PTGER4: variants seen among roughly 807,000 people sequenced by gnomAD.
PTGER4 encodes prostaglandin E receptor 4.
PTGER4 carries 11 observed loss-of-function variants against 33.2 expected under a neutral mutation model. The ratio of observed to expected loss-of-function variants is 0.33; its 90% CI spans 0.21 to 0.55. The LOEUF (loss-of-function observed/expected upper bound fraction) is 0.55. Among genes scored for constraint, PTGER4 ranks in the 20% least tolerant of loss-of-function variants. PTGER4 has a pLI of 0.92. For missense variants in PTGER4, 481 were observed against 650.2 expected (o/e 0.74, Z 2.83); for synonymous variants, 275 against 281.5 (o/e 0.98, Z 0.23).
chr5:40,711,636 T>C, the PTGER4 span, among the ~76,000 whole-genome samples: 2 of 152,074 alleles, frequency 1.3e-5, no homozygotes, highest in African/African-American at 2.4e-5. Context: ...ACAACCTAAA[T>C]GTCCATCAAT....
chr5:40,689,787 T>C (rs2111807866), intron 2 of PTGER4, among the ~76,000 whole-genome samples: 2 of 152,314 alleles, frequency 1.3e-5, no homozygotes, highest in Middle Eastern at 6.8e-3. Context: ...TTTGTGGTTT[T>C]TATGTATCTT....
chr5:40,735,930 G>A, the PTGER4 span, among the ~76,000 whole-genome samples: 2 of 152,220 alleles, frequency 1.3e-5, no homozygotes, highest in Non-Finnish European at 2.9e-5. Flanking sequence ...TCAAGAAATG[G>A]AGTTTGTAGT....
the PTGER4 span, among the ~76,000 whole-genome samples, chr5:40,735,086 A>T: frequency 6.6e-6 from 1 of 152,228 alleles, no homozygotes; most frequent in Non-Finnish European, 1.5e-5. Flanking sequence ...GTGGAAAGGA[A>T]ATAAAACCAG....
At chr5:40,693,847 T>TAAAG (rs1741529399), downstream of PTGER4, 1 of 526,264 alleles carries the variant, frequency 1.9e-6, no homozygotes, top group African/African-American at 2.1e-5. Flanking sequence ...GAAATAATTT[T>TAAAG]AAAGAAATAT....
the PTGER4 span, chr5:40,716,055 C>G: frequency 1.2e-5 from 13 of 1,099,768 alleles, no homozygotes; most frequent in Admixed American, 2.4e-4. Flanking sequence ...ACCAGGCGTT[C>G]TCCTATCTAT....
At chr5:40,712,805 G>A in the PTGER4 span, among the ~76,000 whole-genome samples, 1 of 152,122 alleles carries the variant, frequency 6.6e-6, no homozygotes, top group Non-Finnish European at 1.5e-5. Context: ...CACTGTGAGA[G>A]GAAGCCATCC....
chr5:40,740,244 T>C, the PTGER4 span, among the ~76,000 whole-genome samples: 1 of 151,690 alleles, frequency 6.6e-6, no homozygotes, highest in African/African-American at 2.4e-5. Flanking sequence ...TCCAGAACCC[T>C]TTCATTCTTT....
At chr5:40,744,378 C>T in the PTGER4 span, among the ~76,000 whole-genome samples, 1 of 151,828 alleles carries the variant, frequency 6.6e-6, no homozygotes, top group Non-Finnish European at 1.5e-5. Context: ...TAAAAGATTA[C>T]ACCAGAATCA....
At chr5:40,709,609 C>A in the PTGER4 span, among the ~76,000 whole-genome samples, 1 of 152,240 alleles carries the variant, frequency 6.6e-6, no homozygotes, top group Middle Eastern at 3.4e-3. Flanking sequence ...CCATACTGCC[C>A]AAGGTAATTT....
At chr5:40,736,879 AC>A in the PTGER4 span, among the ~76,000 whole-genome samples, 3 of 152,222 alleles carry the variant, frequency 2.0e-5, no homozygotes, top group African/African-American at 7.2e-5. Flanking sequence ...TACACTCTTA[AC>A]CACTATACTC....
intron 2 of PTGER4, among the ~76,000 whole-genome samples, chr5:40,689,827 C>T (rs1207988370): frequency 6.6e-6 from 1 of 152,070 alleles, no homozygotes; most frequent in African/African-American, 2.4e-5. Context: ...CCTCTTCTCC[C>T]TAACCTAAAA....
At chr5:40,731,505 G>A in the PTGER4 span, among the ~76,000 whole-genome samples, 60 of 152,306 alleles carry the variant, frequency 3.9e-4, no homozygotes, top group African/African-American at 1.3e-3. Flanking sequence ...TTACAAGGAT[G>A]GCAGAAGGGG....
chr5:40,711,100 G>T, the PTGER4 span, among the ~76,000 whole-genome samples: 1 of 150,782 alleles, frequency 6.6e-6, no homozygotes, highest in African/African-American at 2.5e-5. Context: ...TATATATATA[G>T]AAAACAAACA....
downstream of PTGER4, among the ~76,000 whole-genome samples, chr5:40,696,968 A>AG (rs1554024511): frequency 9.6e-6 from 1 of 104,496 alleles, no homozygotes; most frequent in Admixed American, 9.1e-5. Flanking sequence ...GAGAGAAAGA[A>AG]AGAGAGAGAG....
chr5:40,692,579 C>A lies in PTGER4; in HGVS notation c.*201C>A, dbSNP rs1381232117. On this transcript the variant is annotated 3_prime_UTR_variant, in exon 3 of 3. Transcript: ENST00000302472. ...CCTGAGGCCTGCAGCACGTCGGATG[C>A]TACCCCACTATGACAGAGGATTGTG... is the stretch of plus-strand genomic sequence containing the variant. 2 of 1,363,936 alleles carry A rather than the reference C, an allele frequency of 1.5e-6. No homozygotes were observed. The highest frequency in any genetic ancestry group is 2.9e-5 in the African/African-American group (2 of 68,590). 84.5% of individuals were successfully genotyped at this position (1,363,936 alleles called of 1,614,324 possible).
the PTGER4 span, among the ~76,000 whole-genome samples, chr5:40,722,734 G>C: frequency 6.6e-6 from 1 of 151,380 alleles, no homozygotes; most frequent in South Asian, 2.1e-4. Flanking sequence ...GGGAGGTGGC[G>C]GGGCAGCCCC....
the PTGER4 span, among the ~76,000 whole-genome samples, chr5:40,733,658 G>A: frequency 6.6e-6 from 1 of 152,194 alleles, no homozygotes; most frequent in Admixed American, 6.5e-5. Flanking sequence ...GGTCAGGGAT[G>A]TTAACATTCT....
At chr5:40,710,266 G>A in the PTGER4 span, among the ~76,000 whole-genome samples, 10 of 152,134 alleles carry the variant, frequency 6.6e-5, no homozygotes, top group Non-Finnish European at 1.5e-4. Flanking sequence ...AGTGGGCAAA[G>A]GATATGAACA....
the PTGER4 span, among the ~76,000 whole-genome samples, chr5:40,708,137 C>A: frequency 6.6e-6 from 1 of 152,066 alleles, no homozygotes; most frequent in Admixed American, 6.5e-5. Flanking sequence ...GAAGCAAGAG[C>A]AAACACATCC....
Sources: gnomAD v4.1 joint callset for allele counts (sites outside exome capture counted in the v4.1 genomes callset) on GRCh38, gnomAD v4.1.1 for gene constraint, MANE v1.5 for transcripts, NCBI Gene and HGNC (gene_info 2026-07-23, HGNC 2026-07-21) for gene names.